Variants in PPM1L observed in about 807,000 individuals in gnomAD.
The protein encoded by PPM1L is protein phosphatase 1L.
PPM1L carries 13 observed loss-of-function variants against 31.4 expected under a neutral mutation model. That is an observed-to-expected ratio of 0.41 (90% CI 0.27 to 0.66). PPM1L has a LOEUF of 0.66. PPM1L is among the 30% of genes least tolerant of loss of function. The pLI, the probability that PPM1L is intolerant of heterozygous loss-of-function variation, is 0.29. For missense variants in PPM1L, 326 were observed against 453.7 expected, an observed-to-expected ratio of 0.72 and a Z score of 2.56; for synonymous variants, 184 against 175.4, an observed-to-expected ratio of 1.05 and a Z score of -0.39.
intron 1 of PPM1L, among the ~76,000 whole-genome samples, chr3:160,883,448 A>G (rs1712793728): frequency 6.6e-6 from 1 of 152,146 alleles, no homozygotes; most frequent in South Asian, 2.1e-4. Flanking sequence ...AGTTTAGGCT[A>G]CATTTTCCCG....
Position 161,065,617 on chromosome 3 carries a change from G to A in PPM1L, c.736+53G>A, listed in dbSNP as rs1576626687. 6.4e-6 allele frequency: 10 copies of A among 1,569,900 alleles called. No homozygotes were observed. In the African/African-American group the frequency reaches 1.2e-4, roughly 19 times the overall value. ...GTCTGCTGTCTTGCTGGTGAACAAG[G>A]CGGCTTGCTTGGAGAGCTCCTGGAT... On this transcript the variant is annotated intron_variant, in intron 3 of 3. Coordinates refer to ENST00000498165, the MANE Select transcript of PPM1L (RefSeq NM_139245.4).
chr3:160,993,397 A>G (rs943529524), intron 2 of PPM1L, among the ~76,000 whole-genome samples: 1 of 152,022 alleles, frequency 6.6e-6, no homozygotes, highest in African/African-American at 2.4e-5. Flanking sequence ...GGGTTGGGGG[A>G]AGGAAGTCAG....
intron 1 of PPM1L, among the ~76,000 whole-genome samples, chr3:160,936,976 T>C (rs1388447858): frequency 6.6e-6 from 1 of 152,340 alleles, no homozygotes; most frequent in Non-Finnish European, 1.5e-5. Flanking sequence ...AATTTTAGTT[T>C]AATTGAGAGA....
At chr3:160,974,778 T>A (rs1290034713) in intron 2 of PPM1L, among the ~76,000 whole-genome samples, 2 of 143,900 alleles carry the variant, frequency 1.4e-5, no homozygotes, top group Non-Finnish European at 3.0e-5. Flanking sequence ...ATTAGCCCTT[T>A]GTCAGATGAG....
At chr3:160,877,442 T>C (rs943948932) in intron 1 of PPM1L, among the ~76,000 whole-genome samples, 3 of 152,198 alleles carry the variant, frequency 2.0e-5, no homozygotes, top group Non-Finnish European at 4.4e-5. Context: ...GCTTTCCAGT[T>C]ATGCCCAGCT....
intron 1 of PPM1L, among the ~76,000 whole-genome samples, chr3:160,938,575 A>G (rs973925899): frequency 2.6e-5 from 4 of 152,206 alleles, no homozygotes; most frequent in African/African-American, 9.7e-5. Flanking sequence ...GCCTTAAATT[A>G]CTCATTAACA....
chr3:160,938,597 G>A (rs1240237697), intron 1 of PPM1L, among the ~76,000 whole-genome samples: 1 of 152,124 alleles, frequency 6.6e-6, no homozygotes, highest in Non-Finnish European at 1.5e-5. Flanking sequence ...CTCCGAAGTA[G>A]GGTAGTTTGG....
intron 1 of PPM1L, among the ~76,000 whole-genome samples, chr3:160,901,870 T>G (rs1200291555): frequency 6.6e-6 from 1 of 152,176 alleles, no homozygotes; most frequent in African/African-American, 2.4e-5. Context: ...TGTGCTAGTT[T>G]TGGGTGCCAG....
At chr3:160,883,615 C>T (rs1335018052) in intron 1 of PPM1L, among the ~76,000 whole-genome samples, 1 of 151,952 alleles carries the variant, frequency 6.6e-6, no homozygotes, top group African/African-American at 2.4e-5. Flanking sequence ...TTTATGCTGC[C>T]TACCTCCAGT....
chr3:161,035,931 T>C (rs530408359), intron 2 of PPM1L: 2 of 152,384 alleles, frequency 1.3e-5, no homozygotes, highest in East Asian at 1.9e-4. Context: ...TAATGAGCTA[T>C]ACATATGATG....
At chr3:160,886,700 T>C (rs1712928894) in intron 1 of PPM1L, among the ~76,000 whole-genome samples, 1 of 152,012 alleles carries the variant, frequency 6.6e-6, no homozygotes, top group South Asian at 2.1e-4. Context: ...AAAAACCCCA[T>C]TCAAGGGTCA....
At chr3:160,874,941 G>A (rs1033167706) in intron 1 of PPM1L, among the ~76,000 whole-genome samples, 4 of 152,190 alleles carry the variant, frequency 2.6e-5, no homozygotes, top group African/African-American at 9.7e-5. Flanking sequence ...CAAGCAAGCT[G>A]TCCCATGACT....
At chr3:161,060,614 C>A (rs1719541561) in intron 2 of PPM1L, among the ~76,000 whole-genome samples, 1 of 151,866 alleles carries the variant, frequency 6.6e-6, no homozygotes, top group African/African-American at 2.4e-5. Flanking sequence ...TAGGTTCTGG[C>A]TTGAGCAATG....
intron 1 of PPM1L, among the ~76,000 whole-genome samples, chr3:160,881,982 C>T (rs1225235443): frequency 2.0e-5 from 3 of 150,748 alleles, no homozygotes; most frequent in Admixed American, 2.0e-4. Flanking sequence ...ACTCGGGAAG[C>T]GGAGCTTGCA....
At chr3:160,972,270 A>G (rs993286258) in intron 2 of PPM1L, among the ~76,000 whole-genome samples, 1 of 152,036 alleles carries the variant, frequency 6.6e-6, no homozygotes, top group Non-Finnish European at 1.5e-5. Flanking sequence ...ACATATGTAT[A>G]CATGTGCCAT....
intron 2 of PPM1L, among the ~76,000 whole-genome samples, chr3:161,021,359 T>C (rs1718230460): frequency 6.6e-6 from 1 of 152,080 alleles, no homozygotes; most frequent in South Asian, 2.1e-4. Flanking sequence ...CTGCTATTGA[T>C]TTCTAATTTC....
At chr3:160,799,659 C>G (rs943210740) in intron 1 of PPM1L, among the ~76,000 whole-genome samples, 1 of 152,144 alleles carries the variant, frequency 6.6e-6, no homozygotes, top group Non-Finnish European at 1.5e-5. Context: ...CCTGCATGTT[C>G]GTATCCTGTA....
chr3:160,991,382 G>A (rs763596377), intron 2 of PPM1L, among the ~76,000 whole-genome samples: 1 of 152,146 alleles, frequency 6.6e-6, no homozygotes, highest in Non-Finnish European at 1.5e-5. Context: ...GATGGTGATG[G>A]TGTAGTTATA....
At chr3:160,910,473 G>T (rs1230891261) in intron 1 of PPM1L, among the ~76,000 whole-genome samples, 2 of 151,912 alleles carry the variant, frequency 1.3e-5, no homozygotes, top group Non-Finnish European at 2.9e-5. Context: ...CACCACACCT[G>T]GCTAATTTTT....
Sources: gnomAD v4.1 joint callset for allele counts (sites outside exome capture counted in the v4.1 genomes callset) on GRCh38, gnomAD v4.1.1 for gene constraint, MANE v1.5 for transcripts, NCBI Gene and HGNC (gene_info 2026-07-23, HGNC 2026-07-21) for gene names.